The following NQO1 variants were observed in gnomAD, a reference collection of about 807,000 sequenced individuals.
NQO1 encodes the protein NAD(P)H quinone dehydrogenase 1.
NQO1 carries 30 observed loss-of-function variants against 32.1 expected under a neutral mutation model. The ratio of observed to expected loss-of-function variants is 0.94; its 90% CI spans 0.70 to 1.27. NQO1 has a LOEUF of 1.27. Among genes scored for constraint, NQO1 ranks in the 50% most tolerant of loss-of-function variants. The pLI is 0.00. For synonymous variants in NQO1, 109 were observed against 119.7 expected, an observed-to-expected ratio of 0.91 and a Z score of 0.59; for missense variants, 276 against 331.3, an observed-to-expected ratio of 0.83 and a Z score of 1.30.
chr16:69,724,798 T>G (rs2151748112), intron 1 of NQO1, among the ~76,000 whole-genome samples: 1 of 152,312 alleles, frequency 6.6e-6, no homozygotes, highest in East Asian at 1.9e-4. Flanking sequence ...CCAGGGAACA[T>G]GAGTGCAAAT....
chr16:69,715,636 C>T (rs894901932), intron 3 of NQO1, among the ~76,000 whole-genome samples: 17 of 151,956 alleles, frequency 1.1e-4, no homozygotes, highest in East Asian at 1.9e-4. Context: ...GGCGTGGTGG[C>T]GCACGCCTGT....
rs370843831 is a variant in NQO1, at chr16:69,713,061, G to A, written c.486C>T (p.His162=). Residue 162 remains histidine, a synonymous_variant, in exon 5 of 6, where the codon CAC becomes CAT. Transcript: ENST00000320623. The part of the protein sequence containing the change: ...SGSMYSLQGI[H]GDMNVILWPI... ...GCCAGAGAATGACATTCATGTCCCC[G>A]TGGATCCCTTGCAGAGAGTACATGG... The A allele has an allele frequency of 5.6e-6, 9 of 1,613,950 alleles. No homozygotes were observed. Among genetic ancestry groups the A allele is most frequent in the East Asian group, 2.2e-5 (1 of 44,894 alleles).
intron 1 of NQO1, 107 bp from the exon 2 acceptor site, chr16:69,718,641 A>G: frequency 9.3e-7 from 1 of 1,080,632 alleles, no homozygotes. Context: ...TTTGTTTGAC[A>G]TTAGGTTATT....
intron 3 of NQO1, chr16:69,717,912 T>A: frequency 1.4e-6 from 1 of 712,966 alleles, no homozygotes; most frequent in Non-Finnish European, 2.2e-6. Context: ...TGCCTGGCCT[T>A]GCAGTTGCAT....
Position 69,710,865 on chromosome 16 carries a change from T to A in NQO1, c.*111A>T, listed in dbSNP as rs2038028694. 1 of 1,171,956 alleles carries A rather than the reference T, an allele frequency of 8.5e-7. No individual in the cohort carries two copies. Among genetic ancestry groups the A allele is most frequent in the Non-Finnish European group, 1.2e-6 (1 of 838,378 alleles). 72.6% of individuals were successfully genotyped at this position (1,171,956 alleles called of 1,614,324 possible). A position where few individuals can be genotyped will look rare whatever the true frequency, so the allele number is the denominator to read the frequency against. On this transcript the variant is annotated 3_prime_UTR_variant, in exon 6 of 6. Transcript: ENST00000320623. Reference sequence around the variant, plus strand: ...ATACAGTCGATTCCCTCTCATTTATTCCTTGTGGAAAAAGAAAAACACAAA... The same window carrying A: ...ATACAGTCGATTCCCTCTCATTTATACCTTGTGGAAAAAGAAAAACACAAA...
intron 1 of NQO1, among the ~76,000 whole-genome samples, chr16:69,722,826 T>C (rs992914176): frequency 4.6e-5 from 7 of 152,218 alleles, no homozygotes; most frequent in African/African-American, 1.7e-4. Context: ...TTTAACATGA[T>C]TGGGAGGGAA....
Position 69,726,496 on chromosome 16 carries a change from C to T in NQO1, c.-57G>A, listed in dbSNP as rs908273796. ...TGGGCTCGTGGTTGCCGGGGCGACCCTGGCCGGAACTAGGCTCTCGGTGAG... is the reference window on the plus strand; with the variant it reads ...TGGGCTCGTGGTTGCCGGGGCGACCTTGGCCGGAACTAGGCTCTCGGTGAG... On this transcript the variant is annotated 5_prime_UTR_variant, in exon 1 of 6. Coordinates refer to ENST00000320623, the MANE Select transcript of NQO1 (RefSeq NM_000903.3). 70 of 1,596,752 alleles carry T rather than the reference C, an allele frequency of 4.4e-5. No homozygotes were observed. Among genetic ancestry groups the T allele is most frequent in the Non-Finnish European group, 5.9e-5 (70 of 1,176,494 alleles).
chr16:69,718,629 G>A, intron 1 of NQO1, 95 bp from the exon 2 acceptor site: 1 of 1,312,770 alleles, frequency 7.6e-7, no homozygotes, highest in Non-Finnish European at 1.0e-6. Context: ...GGAGGGGGCG[G>A]CTTTGTTTGA....
chr16:69,718,281 G>A (rs1567632918), intron 2 of NQO1, 28 bp from the exon 3 acceptor site: 1 of 1,613,654 alleles, frequency 6.2e-7, no homozygotes, highest in East Asian at 2.2e-5. Flanking sequence ...AGAGGCTGGG[G>A]CCAGAGGGGC....
At chr16:69,721,593 CAATACCATGAGTAGCCCCAT>C (rs2038192154) in intron 1 of NQO1, among the ~76,000 whole-genome samples, 1 of 152,098 alleles carries the variant, frequency 6.6e-6, no homozygotes, top group Admixed American at 6.6e-5. Context: ...CCTATGAGGT[CAATACCATGAGTAGCCCCAT>C]GTTACAGATG....
intron 1 of NQO1, among the ~76,000 whole-genome samples, chr16:69,719,135 G>T (rs1461835288): frequency 6.6e-6 from 1 of 151,874 alleles, no homozygotes; most frequent in Non-Finnish European, 1.5e-5. Flanking sequence ...TACATTTACC[G>T]TGAGTTTACA....
At position 69,718,158 on chromosome 16, in the gene NQO1, T is replaced by C; in HGVS notation, c.268A>G (p.Lys90Glu). 4 of 1,614,070 alleles carry C rather than the reference T, an allele frequency of 2.5e-6. No homozygotes were observed. In the South Asian group the frequency reaches 4.4e-5, roughly 18 times the overall value. ...HLSPDIVAEQ[K>E]KLEAADLVIF... ...ACAAGGTCTGCGGCTTCCAGCTTCT[T>C]TTGTTCAGCCACAATATCTGGGCTC... The change falls in exon 3 of 6, where the codon AAG becomes GAG. Residue 90 changes from lysine (K) to glutamate (E), a missense_variant. Physicochemically the swap from Lys to Glu is moderately conservative, Grantham distance 56. Transcript: ENST00000320623.
At chr16:69,714,211 C>T (rs1597597454) in intron 4 of NQO1, among the ~76,000 whole-genome samples, 1 of 149,656 alleles carries the variant, frequency 6.7e-6, no homozygotes, top group African/African-American at 2.5e-5. Context: ...GCTTTGTTGC[C>T]CAGGCTGGAG....
chr16:69,718,203 C>A lies in NQO1; in HGVS notation c.223G>T (p.Ala75Ser). ...GGGCTCAGATGGCCTTCTTTATAAG[C>A]CAGAACAGACTCGGCAGGATACTGA... Reference protein sequence around the residue: ...NFQYPAESVLAYKEGHLSPDI... With the variant: ...NFQYPAESVLSYKEGHLSPDI... Residue 75 changes from alanine (A) to serine (S), a missense_variant, in exon 3 of 6, where the codon GCT (alanine) becomes TCT (serine). Physicochemically the swap from Ala to Ser is moderately conservative, Grantham distance 99. Transcript: ENST00000320623. 6.2e-7 allele frequency: 1 copy of A among 1,614,112 alleles called. No homozygotes were observed. Among genetic ancestry groups the A allele is most frequent in the Non-Finnish European group, 8.5e-7 (1 of 1,180,002 alleles).
chr16:69,723,234 T>G (rs930381639), intron 1 of NQO1, among the ~76,000 whole-genome samples: 2 of 152,194 alleles, frequency 1.3e-5, no homozygotes, highest in Non-Finnish European at 2.9e-5. Flanking sequence ...ACAGTTTTTA[T>G]TTTATTGACT....
intron 1 of NQO1, among the ~76,000 whole-genome samples, chr16:69,725,599 G>C (rs2038250277): frequency 6.6e-6 from 1 of 152,158 alleles, no homozygotes; most frequent in South Asian, 2.1e-4. Flanking sequence ...CCAAGGCCAG[G>C]CACGGTGGCT....
In NQO1 at chr16:69,710,727, C is replaced by CCG; in HGVS notation, c.*248_*249insCG. On this transcript the variant is annotated 3_prime_UTR_variant, in exon 6 of 6. Coordinates refer to ENST00000320623, the MANE Select transcript of NQO1 (RefSeq NM_000903.3). Reference sequence around the variant, plus strand: ...GTAGATGCCTTTAAAGAACATTTTTCTAGCATCTTTCTACATCTTTCCCTA... The same window carrying CCG: ...GTAGATGCCTTTAAAGAACATTTTTCCGTAGCATCTTTCTACATCTTTCCCTA... 1 of 431,554 alleles carries CCG rather than the reference C, an allele frequency of 2.3e-6. No individual in the cohort carries two copies. Among genetic ancestry groups the CCG allele is most frequent in the Non-Finnish European group, 4.1e-6 (1 of 244,702 alleles). 26.7% of individuals were successfully genotyped at this position (431,554 alleles called of 1,614,324 possible). A position where few individuals can be genotyped will look rare whatever the true frequency, so the allele number is the denominator to read the frequency against.
At chr16:69,714,334 C>G (rs1597597569) in intron 4 of NQO1, among the ~76,000 whole-genome samples, 1 of 145,772 alleles carries the variant, frequency 6.9e-6, no homozygotes, top group Admixed American at 7.0e-5. Flanking sequence ...CCACACCCAG[C>G]TAATTTTTGT....
At position 69,713,060 on chromosome 16, in the gene NQO1, C is replaced by T. The variant is rs201787127; in HGVS notation, c.487G>A (p.Gly163Arg). 2.9e-5 allele frequency: 47 copies of T among 1,613,990 alleles called. No individual in the cohort carries two copies. The East Asian group carries it at 6.5e-4, about 22-fold the overall frequency. Residue 163 changes from glycine to arginine, a missense_variant, in exon 5 of 6, where the codon GGG becomes AGG. Physicochemically the swap from Gly to Arg is moderately radical, Grantham distance 125. Coordinates refer to ENST00000320623, the MANE Select transcript of NQO1 (RefSeq NM_000903.3). ...GSMYSLQGIH[G>R]DMNVILWPIQ... ...GGCCAGAGAATGACATTCATGTCCC[C>T]GTGGATCCCTTGCAGAGAGTACATG...
Sources: allele counts gnomAD v4.1 joint callset (sites outside exome capture counted in the v4.1 genomes callset), GRCh38; gene constraint gnomAD v4.1.1; transcripts MANE v1.5; gene names NCBI Gene and HGNC (gene_info 2026-07-23, HGNC 2026-07-21).